Variants in RNF144B observed in about 807,000 individuals in gnomAD.
The protein encoded by RNF144B is ring finger protein 144B.
In RNF144B, 25 loss-of-function variants were observed where a neutral mutation model predicts 40.2. The observed-to-expected ratio is 0.62, with a 90% confidence interval of 0.45 to 0.87. The LOEUF is 0.87. Among genes scored for constraint, RNF144B ranks in the 40% least tolerant of loss-of-function variants. The probability of loss-of-function intolerance (pLI) is 0.00; values close to 1 mark genes in which losing one functional copy is unlikely to be tolerated. For missense variants in RNF144B, 365 were observed against 373.7 expected (o/e 0.98, Z 0.19); for synonymous variants, 145 against 136.3 (o/e 1.06, Z -0.44).
At chr6:18,426,357 G>T (rs967866781) in intron 2 of RNF144B, among the ~76,000 whole-genome samples, 1 of 152,066 alleles carries the variant, frequency 6.6e-6, no homozygotes, top group Non-Finnish European at 1.5e-5. Context: ...ATGTAGAAAA[G>T]GTTTACCGAT....
At position 18,450,089 on chromosome 6, in the gene RNF144B, G is replaced by A. The variant is rs1759175843; in HGVS notation, c.332-7066G>A. ...GTAGCTGTTTGACTGTAAGGGATAAGTCAGCTGTCACTGTTCCAGTTTTGG... is the reference window on the plus strand; with the variant it reads ...GTAGCTGTTTGACTGTAAGGGATAAATCAGCTGTCACTGTTCCAGTTTTGG... On this transcript the variant is annotated intron_variant, in intron 4 of 7. Coordinates refer to ENST00000259939, the MANE Select transcript of RNF144B (RefSeq NM_182757.4). The surrounding 1 kb of genome is among the most constrained non-coding windows in gnomAD (Gnocchi z 4.7). Among the ~76,000 whole-genome samples the A allele has an allele frequency of 6.6e-6, 1 of 152,222 alleles. No individual in the cohort carries two copies. Among genetic ancestry groups the A allele is most frequent in the Admixed American group, 6.5e-5 (1 of 15,276 alleles).
rs145863095 is a variant in RNF144B, at chr6:18,394,571, G to A, written c.-36-4928G>A. Among the ~76,000 whole-genome samples, 381 of 151,160 alleles carry A rather than the reference G, an allele frequency of 2.5e-3. 3 individuals are homozygous for A. The highest frequency in any genetic ancestry group is 8.9e-3 in the African/African-American group (364 of 41,056). On this transcript the variant is annotated intron_variant, in intron 1 of 7. Coordinates refer to ENST00000259939, the MANE Select transcript of RNF144B (RefSeq NM_182757.4). ...TGAGATCATGCCACTGCACTCTAGC[G>A]TGGATGACAGAGTGATACTCCGTCC...
chr6:18,421,207 G>T (rs952267371), intron 2 of RNF144B, among the ~76,000 whole-genome samples: 1 of 150,118 alleles, frequency 6.7e-6, no homozygotes. Context: ...AGCTGAGATC[G>T]TACCACTTCA....
At position 18,467,403 on chromosome 6, in the gene RNF144B, T is replaced by TTTTC. The variant is rs1554182737; in HGVS notation, c.*2339_*2340insCTTT. ...TATCACTGAATTAGCTGCTTTTGTTTTTTTTTTTTTTTTTTTGCCAGGGCT... is the reference window on the plus strand; with the variant it reads ...TATCACTGAATTAGCTGCTTTTGTTTTTTCTTTTTTTTTTTTTTTTGCCAGGGCT... On this transcript the variant is annotated 3_prime_UTR_variant, in exon 8 of 8. Transcript: ENST00000259939. 7.7e-6 allele frequency: 1 copy of TTTTC among 129,444 alleles called. No homozygotes were observed. Among genetic ancestry groups the TTTTC allele is most frequent in the East Asian group, 2.0e-4 (1 of 4,884 alleles). The allele number at this position is 129,444 out of a possible 1,614,324, so 8.0% of individuals were successfully genotyped here.
At chr6:18,411,907 T>C (rs959511697) in intron 2 of RNF144B, among the ~76,000 whole-genome samples, 1 of 152,198 alleles carries the variant, frequency 6.6e-6, no homozygotes, top group African/African-American at 2.4e-5. Context: ...ACATAGTACA[T>C]TGTGGACAAG....
chr6:18,401,260 C>T (rs181365880), intron 2 of RNF144B, among the ~76,000 whole-genome samples: 1 of 152,300 alleles, frequency 6.6e-6, no homozygotes, highest in East Asian at 1.9e-4. Context: ...TAACACTGTC[C>T]TGTTATTGTT....
At chr6:18,437,138 A>G (rs546490180) in intron 3 of RNF144B, among the ~76,000 whole-genome samples, 4 of 152,150 alleles carry the variant, frequency 2.6e-5, no homozygotes, top group Non-Finnish European at 5.9e-5. Context: ...GCTGTCAACA[A>G]ATATTTAGAA....
At chr6:18,437,303 A>G (rs1487703048) in intron 3 of RNF144B, among the ~76,000 whole-genome samples, 1 of 152,088 alleles carries the variant, frequency 6.6e-6, no homozygotes, top group Non-Finnish European at 1.5e-5. Context: ...GCCAGTTATG[A>G]TGGTGCATGC....
In RNF144B at chr6:18,466,155, A is replaced by AT. The variant is rs1759567381; in HGVS notation, c.*1094dup. On this transcript the variant is annotated 3_prime_UTR_variant, in exon 8 of 8. Coordinates refer to ENST00000259939, the MANE Select transcript of RNF144B (RefSeq NM_182757.4). ...TGGTTTATTGTAAATCTGCCTAAAGATTTTTTGCATATTATATATGTGAAT... is the reference window on the plus strand; with the variant it reads ...TGGTTTATTGTAAATCTGCCTAAAGATTTTTTTGCATATTATATATGTGAAT... 1 of 152,134 alleles carries AT rather than the reference A, an allele frequency of 6.6e-6. No individual in the cohort carries two copies. The highest frequency in any genetic ancestry group is 2.4e-5 in the African/African-American group (1 of 41,438). 9.4% of individuals were successfully genotyped at this position (152,134 alleles called of 1,614,324 possible).
At position 18,418,010 on chromosome 6, in the gene RNF144B, A is replaced by G. The variant is rs1302969110; in HGVS notation, c.166-9571A>G. Among the ~76,000 whole-genome samples, 1 of 152,232 alleles carries G rather than the reference A, an allele frequency of 6.6e-6. No homozygotes were observed. The highest frequency in any genetic ancestry group is 1.5e-5 in the Non-Finnish European group (1 of 68,022). Reference sequence around the variant, plus strand: ...AAGATGCTCAAAATCACTAGCCAACAGGGCAATGCAAATCGAAACCACAAT... The same window carrying G: ...AAGATGCTCAAAATCACTAGCCAACGGGGCAATGCAAATCGAAACCACAAT... On this transcript the variant is annotated intron_variant, in intron 2 of 7. Coordinates refer to ENST00000259939, the MANE Select transcript of RNF144B (RefSeq NM_182757.4). This position sits in a 1 kb window ranked among gnomAD's most constrained non-coding sequence, Gnocchi z 5.2.
rs1250579198 is a variant in RNF144B, at chr6:18,411,478, TATATATATATATA to T, written c.165+11780_165+11792del. Among the ~76,000 whole-genome samples, 51 of 42,288 alleles carry T rather than the reference TATATATATATATA, an allele frequency of 1.2e-3. 1 individual carries two copies. Among genetic ancestry groups the T allele is most frequent in the African/African-American group, 3.0e-3 (35 of 11,684 alleles). 27.7% of individuals were successfully genotyped at this position (42,288 alleles called of 152,430 possible). A position where few individuals can be genotyped will look rare whatever the true frequency, so the allele number is the denominator to read the frequency against. ...TGCATGATTCATATATATATATATA[TATATATATATATA>T]TATATATTTTTTTTTTTTTTTTTTT... On this transcript the variant is annotated intron_variant, in intron 2 of 7. Transcript: ENST00000259939.
rs555771618 is a variant in RNF144B at position 18,406,750 on chromosome 6, G to A, written c.165+7051G>A. 2.6e-5 allele frequency among the ~76,000 whole-genome samples: 4 copies of A among 152,110 alleles called. No individual in the cohort carries two copies. Among genetic ancestry groups the A allele is most frequent in the East Asian group, 3.9e-4 (2 of 5,162 alleles). On this transcript the variant is annotated intron_variant, in intron 2 of 7. Transcript: ENST00000259939. The surrounding 1 kb of genome is among the most constrained non-coding windows in gnomAD (Gnocchi z 4.2). ...TTAATGGATTGGATGATGCCTGCTCGCAATGGGGAGGGTAAACTGCTTTAC... is the reference window on the plus strand; with the variant it reads ...TTAATGGATTGGATGATGCCTGCTCACAATGGGGAGGGTAAACTGCTTTAC...
rs767952608 is a variant in RNF144B at position 18,456,261 on chromosome 6, T to C, written c.332-894T>C. ...TCACACATTGTCCCTAAGTTGCACA[T>C]TGGTAGGGAGCAGAATATCCAAACT... is the stretch of plus-strand genomic sequence containing the variant. On this transcript the variant is annotated intron_variant, in intron 4 of 7. Coordinates refer to ENST00000259939, the MANE Select transcript of RNF144B (RefSeq NM_182757.4). This position sits in a 1 kb window ranked among gnomAD's most constrained non-coding sequence, Gnocchi z 4.7. Among the ~76,000 whole-genome samples, 1 of 152,156 alleles carries C rather than the reference T, an allele frequency of 6.6e-6. No individual in the cohort carries two copies. Among genetic ancestry groups the C allele is most frequent in the East Asian group, 1.9e-4 (1 of 5,188 alleles).
In RNF144B at chr6:18,464,016, A is replaced by C. The variant is rs1373281283; in HGVS notation, c.771+636A>C. On this transcript the variant is annotated intron_variant, in intron 7 of 7. Coordinates refer to ENST00000259939, the MANE Select transcript of RNF144B (RefSeq NM_182757.4). The surrounding 1 kb of genome is among the most constrained non-coding windows in gnomAD (Gnocchi z 6.1). ...ATCTCCACCTGGCCCTGTCCTTGAC[A>C]CGTGGGGATTATTACAATTCAAGAT... Among the ~76,000 whole-genome samples, 1 of 152,158 alleles carries C rather than the reference A, an allele frequency of 6.6e-6. No homozygotes were observed. The highest frequency in any genetic ancestry group is 2.4e-5 in the African/African-American group (1 of 41,426).
rs1195408568 is a variant in RNF144B at position 18,457,440 on chromosome 6, C to G, written c.536+81C>G. On this transcript the variant is annotated intron_variant, in intron 5 of 7. Coordinates refer to ENST00000259939, the MANE Select transcript of RNF144B (RefSeq NM_182757.4). The surrounding 1 kb of genome is among the most constrained non-coding windows in gnomAD (Gnocchi z 5.1). ...CATACCTTACGTGTAGAAGGAGTTA[C>G]GTTGTGATGGCGTTTAGAGATTGGT... 2.8e-6 allele frequency: 3 copies of G among 1,056,370 alleles called. No homozygotes were observed. The highest frequency in any genetic ancestry group is 2.0e-4 in the Middle Eastern group (1 of 4,962). The allele number at this position is 1,056,370 out of a possible 1,614,324, so 65.4% of individuals were successfully genotyped here.
intron 3 of RNF144B, among the ~76,000 whole-genome samples, chr6:18,433,580 A>G (rs1287711183): frequency 6.6e-6 from 1 of 152,156 alleles, no homozygotes; most frequent in East Asian, 1.9e-4. Context: ...AGACGGGATG[A>G]TATATGGAAA....
chr6:18,397,522 C>G (rs552635713), intron 1 of RNF144B, among the ~76,000 whole-genome samples: 2 of 152,200 alleles, frequency 1.3e-5, no homozygotes, highest in East Asian at 3.9e-4. Context: ...ATTATTTTCA[C>G]AATTATTTAG....
At chr6:18,436,171 C>G (rs1485356380) in intron 3 of RNF144B, among the ~76,000 whole-genome samples, 1 of 152,036 alleles carries the variant, frequency 6.6e-6, no homozygotes, top group Non-Finnish European at 1.5e-5. Flanking sequence ...TAACCTGAAT[C>G]TAATCATGAG....
rs890253753 is a variant in RNF144B, at chr6:18,440,665, A to G, written c.331+921A>G. Among the ~76,000 whole-genome samples the G allele has an allele frequency of 4.6e-5, 5 of 108,428 alleles. 1 individual carries two copies. The Admixed American group carries it at 5.5e-4, about 12-fold the overall frequency. 71.1% of individuals were successfully genotyped at this position (108,428 alleles called of 152,430 possible). On this transcript the variant is annotated intron_variant, in intron 4 of 7. Coordinates refer to ENST00000259939, the MANE Select transcript of RNF144B (RefSeq NM_182757.4). ...AAAATAATTCTTACAGGAAAAAAGAAAAAAAACGTACAGAGCATGAAGAGG... is the reference window on the plus strand; with the variant it reads ...AAAATAATTCTTACAGGAAAAAAGAGAAAAAACGTACAGAGCATGAAGAGG...
Sources: gnomAD v4.1 joint callset for allele counts (sites outside exome capture counted in the v4.1 genomes callset) on GRCh38, gnomAD v4.1.1 for gene constraint, Gnocchi (gnomAD v3.1) non-coding constraint, MANE v1.5 for transcripts, NCBI Gene and HGNC (gene_info 2026-07-23, HGNC 2026-07-21) for gene names.